RAVER2: variants seen among roughly 807,000 people sequenced by gnomAD.
RAVER2 encodes the protein ribonucleoprotein, PTB binding 2.
In RAVER2, 46 loss-of-function variants were observed where a neutral mutation model predicts 78.1. The ratio of observed to expected loss-of-function variants is 0.59; its 90% CI spans 0.46 to 0.75. The LOEUF is 0.75. Among genes scored for constraint, RAVER2 ranks in the 30% least tolerant of loss-of-function variants. The pLI is 0.00. For missense variants in RAVER2, 793 were observed against 837.5 expected (o/e 0.95, Z 0.66); for synonymous variants, 311 against 313.3 (o/e 0.99, Z 0.08).
At chr1:64,816,775 A>G (rs1272146683) in intron 11 of RAVER2, among the ~76,000 whole-genome samples, 1 of 152,242 alleles carries the variant, frequency 6.6e-6, no homozygotes, top group Non-Finnish European at 1.5e-5. Context: ...AAAGACTTAG[A>G]TGTTAGACCT....
intron 1 of RAVER2, among the ~76,000 whole-genome samples, chr1:64,762,243 A>G (rs1000714591): frequency 3.3e-5 from 5 of 152,238 alleles, no homozygotes; most frequent in South Asian, 2.1e-4. Context: ...ACTGAAGACT[A>G]TAAATATTTC....
At chr1:64,811,262 G>A (rs572274883) in intron 9 of RAVER2, among the ~76,000 whole-genome samples, 1 of 152,312 alleles carries the variant, frequency 6.6e-6, no homozygotes, top group South Asian at 2.1e-4. Context: ...CAAGTGTTGA[G>A]AGGATCCACT....
At chr1:64,814,912 A>C in intron 11 of RAVER2, 72 bp downstream of exon 11, 2 of 1,264,064 alleles carry the variant, frequency 1.6e-6, no homozygotes, top group Non-Finnish European at 1.1e-6. Flanking sequence ...ACTGAATATG[A>C]AATTGTGATT....
At chr1:64,826,002 G>T (rs1653995563) in intron 11 of RAVER2, among the ~76,000 whole-genome samples, 1 of 152,244 alleles carries the variant, frequency 6.6e-6, no homozygotes, top group Non-Finnish European at 1.5e-5. Context: ...ATTAACCTTT[G>T]CTTTGGTAGG....
At chr1:64,760,776 A>G (rs946260400) in intron 1 of RAVER2, among the ~76,000 whole-genome samples, 1 of 150,852 alleles carries the variant, frequency 6.6e-6, no homozygotes, top group East Asian at 1.9e-4. Flanking sequence ...GACATCCCAA[A>G]TGTTGTTCTT....
chr1:64,814,584 TA>T, intron 10 of RAVER2, 119 bp from the exon 11 acceptor site: 1 of 570,110 alleles, frequency 1.8e-6, no homozygotes, highest in Non-Finnish European at 2.3e-6. Flanking sequence ...CAATTTATAA[TA>T]AAATATAATT....
At chr1:64,789,601 G>C in intron 5 of RAVER2, 87 bp downstream of exon 5, 1 of 1,114,326 alleles carries the variant, frequency 9.0e-7, no homozygotes. Flanking sequence ...AAAATACATT[G>C]ATTTGTGAAA....
At chr1:64,774,798 C>T (rs912709711) in intron 2 of RAVER2, among the ~76,000 whole-genome samples, 4 of 152,166 alleles carry the variant, frequency 2.6e-5, no homozygotes, top group African/African-American at 9.7e-5. Flanking sequence ...TTGATTCTTC[C>T]TATCCATGAG....
intron 4 of RAVER2, among the ~76,000 whole-genome samples, chr1:64,788,110 A>C (rs1439224209): frequency 6.6e-6 from 1 of 152,174 alleles, no homozygotes; most frequent in Non-Finnish European, 1.5e-5. Flanking sequence ...AAGCTACTCG[A>C]TTGCATGTAT....
intron 11 of RAVER2, among the ~76,000 whole-genome samples, chr1:64,822,001 T>C (rs1198685227): frequency 5.3e-5 from 8 of 152,138 alleles, no homozygotes; most frequent in East Asian, 1.9e-4. Context: ...TTAAAAAGTA[T>C]GAGAGGCCAG....
intron 1 of RAVER2, among the ~76,000 whole-genome samples, chr1:64,767,054 T>C (rs2100821135): frequency 6.6e-6 from 1 of 152,290 alleles, no homozygotes; most frequent in East Asian, 1.9e-4. Flanking sequence ...TTTCTAATAC[T>C]GGTTGGTAAT....
intron 9 of RAVER2, among the ~76,000 whole-genome samples, chr1:64,808,766 A>G (rs929937058): frequency 7.9e-5 from 12 of 152,286 alleles, no homozygotes; most frequent in East Asian, 1.9e-4. Flanking sequence ...CTGGCCGTCA[A>G]TTCTTTATAG....
chr1:64,809,612 TACATA>T (rs1653549310), intron 9 of RAVER2, among the ~76,000 whole-genome samples: 1 of 152,172 alleles, frequency 6.6e-6, no homozygotes, highest in African/African-American at 2.4e-5. Context: ...TGGTAAAATA[TACATA>T]ACATACAATT....
rs558181616 is a variant in RAVER2, at chr1:64,786,853, CTGTT to C, written c.979-2534_979-2531del. On this transcript the variant is annotated intron_variant, in intron 4 of 11. Coordinates refer to ENST00000294428, the Ensembl canonical transcript of RAVER2. ...ACATATATTCTACTATTTAACCTAT[CTGTT>C]AAAGCACAGGGTAAATGTTAATAAT... Among the ~76,000 whole-genome samples the C allele has an allele frequency of 2.8e-3, 422 of 152,124 alleles. 4 individuals carry two copies. Among genetic ancestry groups the C allele is most frequent in the African/African-American group, 9.8e-3 (408 of 41,516 alleles).
chr1:64,812,845 A>G (rs201589304), exon 10 of RAVER2: 25 of 1,590,672 alleles, frequency 1.6e-5, no homozygotes, highest in African/African-American at 6.8e-5. Flanking sequence ...GTGTGTGCTT[A>G]TCATGTAAGT....
intron 1 of RAVER2, among the ~76,000 whole-genome samples, chr1:64,763,663 C>T (rs569819464): frequency 5.1e-4 from 78 of 151,968 alleles, no homozygotes; most frequent in Admixed American, 1.7e-3. Context: ...GCACTTTGGG[C>T]GGCTGAGACG....
rs945900638 is a variant in RAVER2 at position 64,789,588 on chromosome 1, G to A, written c.1105+74G>A. 1.3e-5 allele frequency: 16 copies of A among 1,201,230 alleles called. No homozygotes were observed. The East Asian group carries it at 3.8e-4, about 28-fold the overall frequency. 74.4% of individuals were successfully genotyped at this position (1,201,230 alleles called of 1,614,324 possible). On this transcript the variant is annotated intron_variant, in intron 5 of 11. Transcript: ENST00000294428. ...GTTAATTTTTTCACATGTGAAATATGGAAAAATACATTGATTTGTGAAAAA... is the reference window on the plus strand; with the variant it reads ...GTTAATTTTTTCACATGTGAAATATAGAAAAATACATTGATTTGTGAAAAA...
At chr1:64,787,257 G>T (rs1461967394) in intron 4 of RAVER2, among the ~76,000 whole-genome samples, 1 of 152,052 alleles carries the variant, frequency 6.6e-6, no homozygotes, top group Non-Finnish European at 1.5e-5. Context: ...CAAATGTCTA[G>T]CTATTTTTCT....
At chr1:64,792,761 T>A (rs1652979404) in intron 5 of RAVER2, among the ~76,000 whole-genome samples, 1 of 152,180 alleles carries the variant, frequency 6.6e-6, no homozygotes, top group South Asian at 2.1e-4. Context: ...TTTCTTGATG[T>A]TGAGAAAAAA....
Sources: gnomAD v4.1 joint callset for allele counts (sites outside exome capture counted in the v4.1 genomes callset) on GRCh38, gnomAD v4.1.1 for gene constraint, MANE v1.5 for transcripts, NCBI Gene and HGNC (gene_info 2026-07-23, HGNC 2026-07-21) for gene names.